The following GPC6 variants were observed in gnomAD, a reference collection of about 807,000 sequenced individuals.
GPC6 encodes glypican 6.
Under a neutral mutation model 55.2 loss-of-function variants are expected in GPC6, and 14 were observed. That is an observed-to-expected ratio of 0.25 (90% CI 0.17 to 0.40). GPC6 has a LOEUF of 0.40. Ranked by LOEUF, GPC6 falls within the 10% of genes least tolerant of loss-of-function variation. The pLI is 1.00. For missense variants in GPC6, 641 were observed against 708.5 expected, an observed-to-expected ratio of 0.90 and a Z score of 1.08; for synonymous variants, 278 against 259.6, an observed-to-expected ratio of 1.07 and a Z score of -0.68.
intron 3 of GPC6, among the ~76,000 whole-genome samples, chr13:94,002,455 T>C (rs1187786221): frequency 6.6e-6 from 1 of 152,218 alleles, no homozygotes; most frequent in African/African-American, 2.4e-5. Context: ...GCCCAAGTTA[T>C]TAGATTATCT....
chr13:93,282,783 A>G (rs1877995054), intron 1 of GPC6, among the ~76,000 whole-genome samples: 1 of 8,834 alleles, frequency 1.1e-4, no homozygotes, highest in African/African-American at 4.6e-4. Context: ...TCTCTAAACA[A>G]TATGCTCATT....
intron 3 of GPC6, among the ~76,000 whole-genome samples, chr13:93,916,160 T>A (rs191002282): frequency 6.6e-6 from 1 of 152,214 alleles, no homozygotes; most frequent in East Asian, 1.9e-4. Context: ...ATCCCATTCT[T>A]TGCTTGTTTC....
At chr13:93,728,457 T>C (rs1402552615) in intron 2 of GPC6, among the ~76,000 whole-genome samples, 1 of 150,974 alleles carries the variant, frequency 6.6e-6, no homozygotes, top group Non-Finnish European at 1.5e-5. Context: ...CCCAGGCTGG[T>C]TTTGAACTCC....
intron 1 of GPC6, among the ~76,000 whole-genome samples, chr13:93,325,864 A>G (rs1879634821): frequency 6.6e-6 from 1 of 151,910 alleles, no homozygotes; most frequent in South Asian, 2.1e-4. Context: ...TAATGAGGAG[A>G]CTCTGGCAGT....
At chr13:93,800,576 T>C (rs868248148) in intron 2 of GPC6, among the ~76,000 whole-genome samples, 1 of 152,166 alleles carries the variant, frequency 6.6e-6, no homozygotes, top group African/African-American at 2.4e-5. Context: ...GTCAGTGACC[T>C]AGCGCAAACA....
At chr13:93,324,132 G>T (rs1879556296) in intron 1 of GPC6, among the ~76,000 whole-genome samples, 1 of 152,146 alleles carries the variant, frequency 6.6e-6, no homozygotes, top group South Asian at 2.1e-4. Context: ...ATAAGATCCT[G>T]TCATTTGCAA....
At chr13:93,590,884 AAAAAGGACGAGCTAG>A (rs1877432188) in intron 2 of GPC6, among the ~76,000 whole-genome samples, 1 of 152,082 alleles carries the variant, frequency 6.6e-6, no homozygotes, top group Non-Finnish European at 1.5e-5. Flanking sequence ...ACTGTTTTTT[AAAAAGGACGAGCTAG>A]TGGGTGCAGC....
chr13:94,372,490 A>G (rs1245752347), intron 6 of GPC6, among the ~76,000 whole-genome samples: 1 of 152,200 alleles, frequency 6.6e-6, no homozygotes, highest in Non-Finnish European at 1.5e-5. Flanking sequence ...CCACCCGAAT[A>G]CTGCACTTTT....
intron 1 of GPC6, among the ~76,000 whole-genome samples, chr13:93,284,272 A>T (rs1191243809): frequency 6.6e-6 from 1 of 152,196 alleles, no homozygotes; most frequent in Non-Finnish European, 1.5e-5. Context: ...AATAATTTTA[A>T]TTGGACACCC....
chr13:94,170,293 GC>G (rs78207136), intron 4 of GPC6, among the ~76,000 whole-genome samples: 42,480 of 152,048 alleles, frequency 0.28, 6,205 homozygotes, highest in South Asian at 0.38. Context: ...AAATTCTCAT[GC>G]TTGATGGTTT....
intron 2 of GPC6, among the ~76,000 whole-genome samples, chr13:93,625,350 T>A (rs1879157792): frequency 6.6e-6 from 1 of 152,144 alleles, no homozygotes; most frequent in Admixed American, 6.5e-5. Context: ...AAAAAGAAAG[T>A]AATTAAACTG....
At chr13:94,135,097 T>G (rs966620770) in intron 4 of GPC6, among the ~76,000 whole-genome samples, 8 of 152,244 alleles carry the variant, frequency 5.3e-5, no homozygotes, top group Non-Finnish European at 1.0e-4. Context: ...CTCAAGTCCC[T>G]TTGAGACTCA....
Position 93,436,634 on chromosome 13 carries a change from G to A in GPC6, c.161-108629G>A, listed in dbSNP as rs531187809. ...AGGTTTTAATTCCATGTATACTTAG[G>A]GAATGCTTTTACTTATTTATTGTGT... On this transcript the variant is annotated intron_variant, in intron 1 of 8. Transcript: ENST00000377047. Among the ~76,000 whole-genome samples, 14 of 152,018 alleles carry A rather than the reference G, an allele frequency of 9.2e-5. No homozygotes were observed. The East Asian group carries it at 1.2e-3, about 13-fold the overall frequency.
At chr13:94,309,527 A>ATATATAATATTATG (rs60364611) in intron 6 of GPC6, among the ~76,000 whole-genome samples, 1 of 152,180 alleles carries the variant, frequency 6.6e-6, no homozygotes, top group East Asian at 1.9e-4. Flanking sequence ...TTATATTTAT[A>ATATATAATATTATG]AGGAACTTAT....
intron 1 of GPC6, among the ~76,000 whole-genome samples, chr13:93,364,728 T>G: frequency 6.6e-6 from 1 of 151,258 alleles, no homozygotes; most frequent in East Asian, 1.9e-4. Context: ...CACACATATA[T>G]GTATATATAT....
intron 1 of GPC6, among the ~76,000 whole-genome samples, chr13:93,417,093 A>G (rs1876727858): frequency 6.6e-6 from 1 of 152,086 alleles, no homozygotes; most frequent in Non-Finnish European, 1.5e-5. Flanking sequence ...TTTTAGAAAC[A>G]TATGTTTTAG....
chr13:93,492,972 T>C, intron 1 of GPC6, among the ~76,000 whole-genome samples: 1 of 103,534 alleles, frequency 9.7e-6, no homozygotes, highest in South Asian at 3.8e-4. Flanking sequence ...AGGATATTGG[T>C]CTAAAATTCT....
In GPC6 at chr13:93,915,313, A is replaced by T. The variant is rs7337120; in HGVS notation, c.711+84768A>T. ...ATGAAACTCACCCAGAGCATAAATG[A>T]TGCTGTAAATGTAGCAAAGTGCCTT... On this transcript the variant is annotated intron_variant, in intron 3 of 8. Transcript: ENST00000377047. Among the ~76,000 whole-genome samples the T allele has an allele frequency of 6.6e-3, 1,008 of 152,252 alleles. 12 individuals are homozygous for T. Among genetic ancestry groups the T allele is most frequent in the African/African-American group, 0.023 (964 of 41,540 alleles).
intron 2 of GPC6, among the ~76,000 whole-genome samples, chr13:93,736,529 A>G (rs912504904): frequency 6.6e-6 from 1 of 152,180 alleles, no homozygotes; most frequent in African/African-American, 2.4e-5. Context: ...GAGATGTGGC[A>G]TTTTCCATCT....
Sources: gnomAD v4.1 joint callset for allele counts (sites outside exome capture counted in the v4.1 genomes callset) on GRCh38, gnomAD v4.1.1 for gene constraint, MANE v1.5 for transcripts, NCBI Gene and HGNC (gene_info 2026-07-23, HGNC 2026-07-21) for gene names.